Variants in NOC2L observed in about 807,000 individuals in gnomAD.
NOC2L encodes the protein NOC2 like nucleolar associated transcriptional repressor, also known as nucleolar complex protein 2 homolog.
NOC2L carries 101 observed loss-of-function variants against 94.2 expected under a neutral mutation model. The observed-to-expected ratio is 1.07, with a 90% confidence interval of 0.91 to 1.26. NOC2L has a LOEUF of 1.26. NOC2L is among the 50% of genes most tolerant of loss of function. NOC2L has a pLI of 0.00. For missense variants in NOC2L, 1,076 were observed against 980.1 expected (o/e 1.10, Z -1.31); for synonymous variants, 531 against 413.4 (o/e 1.28, Z -3.45).
At chr1:948,907 T>C (rs1222478220) in intron 12 of NOC2L, among the ~76,000 whole-genome samples, 1 of 152,118 alleles carries the variant, frequency 6.6e-6, no homozygotes, top group Non-Finnish European at 1.5e-5. Context: ...GACCCACGTC[T>C]GGAGACCTAG....
At chr1:953,944 A>C in intron 7 of NOC2L, 52 bp from the exon 8 acceptor site, 1 of 1,604,606 alleles carries the variant, frequency 6.2e-7, no homozygotes, top group Non-Finnish European at 8.5e-7. Flanking sequence ...TCTGGGATAC[A>C]AAAAAGGACC....
At chr1:958,703 G>A (rs753802056) in intron 2 of NOC2L, 1 of 698,382 alleles carries the variant, frequency 1.4e-6, no homozygotes. Context: ...ATCGGGAAGA[G>A]ATTTTTGCAC....
At position 956,106 on chromosome 1, in the gene NOC2L, G is replaced by A. The variant is rs777799560; in HGVS notation, c.596C>T (p.Thr199Met). The change falls in exon 5 of 19, where the codon ACG becomes ATG. Residue 199 changes from threonine to methionine, a missense_variant. Coordinates refer to ENST00000327044, the MANE Select transcript of NOC2L (RefSeq NM_015658.4). ...ESAEANKFQVTDSAAFNALVT... is the reference protein window; with the variant it reads ...ESAEANKFQVMDSAAFNALVT... ...CCCCCCAAGCTCACCAGCACTGTCC[G>A]TGACCTGGAATTTGTTGGCCTCAGC... is the stretch of plus-strand genomic sequence containing the variant. 23 of 1,613,910 alleles carry A rather than the reference G, an allele frequency of 1.4e-5. No individual in the cohort carries two copies. The highest frequency in any genetic ancestry group is 5.3e-5 in the African/African-American group (4 of 74,922).
In NOC2L at chr1:953,266, G is replaced by A. The variant is rs1448258929; in HGVS notation, c.911C>T (p.Thr304Ile). 1 of 1,604,574 alleles carries A rather than the reference G, an allele frequency of 6.2e-7. No individual in the cohort carries two copies. The highest frequency in any genetic ancestry group is 8.5e-7 in the Non-Finnish European group (1 of 1,171,710). ...CAGCACCCGCAGAGACTCTTCCCCAGTGCTCCATACGATCACCATTCTCTG... is the reference window on the plus strand; with the variant it reads ...CAGCACCCGCAGAGACTCTTCCCCAATGCTCCATACGATCACCATTCTCTG... ...LLKRMVIVWS[T>I]GEESLRVLAF... The change falls in exon 9 of 19, where the codon ACT becomes ATT. Residue 304 changes from threonine to isoleucine, a missense_variant. Transcript: ENST00000327044.
Position 948,026 on chromosome 1 carries a change from G to A in NOC2L, c.1659+105C>T, listed in dbSNP as rs957150349. 11 of 888,564 alleles carry A rather than the reference G, an allele frequency of 1.2e-5. No individual in the cohort carries two copies. The African/African-American group carries it at 1.7e-4, about 13-fold the overall frequency. 55.0% of individuals were successfully genotyped at this position (888,564 alleles called of 1,614,324 possible). On this transcript the variant is annotated intron_variant, in intron 14 of 18. Transcript: ENST00000327044. ...TTGCCAGCAGTCAGGTTCCACCCCA[G>A]TCCCAGGTACCCGGGACAAGGGCAC... is the stretch of plus-strand genomic sequence containing the variant.
chr1:944,870 T>TCACTAATTAATCACGG, intron 18 of NOC2L, 70 bp from the exon 19 acceptor site: 1 of 1,295,782 alleles, frequency 7.7e-7, no homozygotes, highest in Non-Finnish European at 1.1e-6. Flanking sequence ...AGGTTACTCA[T>TCACTAATTAATCACGG]CACTAATTAA....
chr1:945,835 G>GC (rs1186223963), intron 16 of NOC2L, among the ~76,000 whole-genome samples, 182 bp from the exon 17 acceptor site: 3 of 152,194 alleles, frequency 2.0e-5, no homozygotes, highest in Admixed American at 6.5e-5. Flanking sequence ...CAAAGGCAGA[G>GC]CCCTTCCTGC....
At position 946,672 on chromosome 1, in the gene NOC2L, C is replaced by A. The variant is rs923183317; in HGVS notation, c.1660-127G>T. 3.4e-6 allele frequency: 4 copies of A among 1,177,966 alleles called. No individual in the cohort carries two copies. In the East Asian group the frequency reaches 9.8e-5, roughly 29 times the overall value. The allele number at this position is 1,177,966 out of a possible 1,614,324, so 73.0% of individuals were successfully genotyped here. A position where few individuals can be genotyped will look rare whatever the true frequency, so the allele number is the denominator to read the frequency against. On this transcript the variant is annotated intron_variant, in intron 14 of 18. Transcript: ENST00000327044. The stretch of plus-strand genomic sequence containing the variant: ...CCAGGAGGGGACATGGATCCCATCT[C>A]AGGGCTCAAGTGCATAGCTGTTGCA...
Position 952,418 on chromosome 1 carries a change from G to A in NOC2L, c.1185C>T (p.Arg395=), listed in dbSNP as rs751664296. Reference sequence around the variant, plus strand: ...GAAGGGCCCCACCACACACCTTCTTGCGAGTGGTCATGGCGTTGCGCAGGT... The same window carrying A: ...GAAGGGCCCCACCACACACCTTCTTACGAGTGGTCATGGCGTTGCGCAGGT... ...AIHLRNAMTT[R]KKETYQSVYN... is the part of the protein sequence containing the mutation. The change falls in exon 10 of 19, where the codon CGC becomes CGT. Residue 395 remains arginine, a synonymous_variant. Transcript: ENST00000327044. 19 of 1,613,152 alleles carry A rather than the reference G, an allele frequency of 1.2e-5. No homozygotes were observed. The highest frequency in any genetic ancestry group is 1.1e-4 in the South Asian group (10 of 91,056).
rs1438927843 is a variant in NOC2L at position 958,913 on chromosome 1, G to A, written c.179+16C>T. ...AGGACGAGCAAGAGGTTCTGCTCACGCATGTCCCCACTAACCTGGCCGAGG... is the reference window on the plus strand; with the variant it reads ...AGGACGAGCAAGAGGTTCTGCTCACACATGTCCCCACTAACCTGGCCGAGG... On this transcript the variant is annotated intron_variant, in intron 2 of 18. Transcript: ENST00000327044. The A allele has an allele frequency of 1.2e-6, 2 of 1,612,416 alleles. No individual in the cohort carries two copies. Among genetic ancestry groups the A allele is most frequent in the African/African-American group, 1.3e-5 (1 of 74,938 alleles).
Position 944,566 on chromosome 1 carries a change from T to C in NOC2L, c.*128A>G, listed in dbSNP as rs1557613631. ...GTCTTTCATGCTGAAAAATAAATAA[T>C]AAAGCCTGTCCCGTGTCTACTGCCT... On this transcript the variant is annotated 3_prime_UTR_variant, in exon 19 of 19. Transcript: ENST00000327044. The C allele has an allele frequency of 3.1e-6, 2 of 639,562 alleles. No homozygotes were observed. Among genetic ancestry groups the C allele is most frequent in the Non-Finnish European group, 5.3e-6 (2 of 376,740 alleles). 39.6% of individuals were successfully genotyped at this position (639,562 alleles called of 1,614,324 possible).
At chr1:956,272 T>C in intron 4 of NOC2L, 57 bp from the exon 5 acceptor site, 1 of 1,598,920 alleles carries the variant, frequency 6.3e-7, no homozygotes, top group South Asian at 1.1e-5. Context: ...CTTGGCAGAG[T>C]GGAAACGGCA....
chr1:958,608 T>C, intron 2 of NOC2L: 1 of 552,264 alleles, frequency 1.8e-6, no homozygotes, highest in African/African-American at 1.9e-5. Context: ...AGCCCCTCTG[T>C]CCTTCCTTTC....
chr1:944,831 T>C, intron 18 of NOC2L, 31 bp from the exon 19 acceptor site: 2 of 1,471,760 alleles, frequency 1.4e-6, no homozygotes, highest in Non-Finnish European at 1.8e-6. Context: ...TACATAAATT[T>C]TGCTTTATCA....
chr1:944,406 C>T lies in NOC2L; in HGVS notation c.*288G>A. 1.7e-6 allele frequency: 2 copies of T among 1,188,442 alleles called. No individual in the cohort carries two copies. Among genetic ancestry groups the T allele is most frequent in the African/African-American group, 1.6e-5 (1 of 62,826 alleles). 73.6% of individuals were successfully genotyped at this position (1,188,442 alleles called of 1,614,324 possible). A position where few individuals can be genotyped will look rare whatever the true frequency, so the allele number is the denominator to read the frequency against. ...GAAGGGGCCAGGGGCCTGCAGGCCT[C>T]CCCCTGGAACTGGGACTGGTCTCGG... On this transcript the variant is annotated 3_prime_UTR_variant, in exon 19 of 19. Coordinates refer to ENST00000327044, the MANE Select transcript of NOC2L (RefSeq NM_015658.4).
chr1:950,710 G>A (rs190855878), intron 12 of NOC2L, among the ~76,000 whole-genome samples: 2 of 151,928 alleles, frequency 1.3e-5, no homozygotes, highest in Non-Finnish European at 2.9e-5. Flanking sequence ...GCACACACAC[G>A]CATGCATGCA....
chr1:959,014 A>T lies in NOC2L; in HGVS notation c.94T>A (p.Ser32Thr). 1 of 1,612,334 alleles carries T rather than the reference A, an allele frequency of 6.2e-7. No individual in the cohort carries two copies. Among genetic ancestry groups the T allele is most frequent in the Non-Finnish European group, 8.5e-7 (1 of 1,179,742 alleles). ...SGFDSESESE[S>T]ENSPQAETRE... ...GTCTCCGCTTGTGGAGAATTTTCGGACTCGGATTCGGACTCGGAGTCAAAG... is the reference window on the plus strand; with the variant it reads ...GTCTCCGCTTGTGGAGAATTTTCGGTCTCGGATTCGGACTCGGAGTCAAAG... Residue 32 changes from serine to threonine, a missense_variant, in exon 2 of 19, where the codon TCC becomes ACC. This residue lies in a region of NOC2L where 457 missense variants were observed against 386.0 expected (regional missense o/e 1.18). Coordinates refer to ENST00000327044, the MANE Select transcript of NOC2L (RefSeq NM_015658.4).
At chr1:959,166 T>C (rs1642508380) in intron 1 of NOC2L, 49 bp downstream of exon 1, 1 of 1,611,836 alleles carries the variant, frequency 6.2e-7, no homozygotes, top group East Asian at 2.2e-5. Context: ...CCCCCTTGGA[T>C]ACAGACACCC....
rs992303418 is a variant in NOC2L at position 944,535 on chromosome 1, C to G, written c.*159G>C. On this transcript the variant is annotated 3_prime_UTR_variant, in exon 19 of 19. Transcript: ENST00000327044. The stretch of plus-strand genomic sequence containing the variant: ...GCCCAGCCCAGCCCAGCTCTCGATA[C>G]GTTTGGTCTTTCATGCTGAAAAATA... The G allele has an allele frequency of 3.2e-6, 2 of 624,920 alleles. No homozygotes were observed. The highest frequency in any genetic ancestry group is 3.3e-5 in the Admixed American group (1 of 30,240). The allele number at this position is 624,920 out of a possible 1,614,324, so 38.7% of individuals were successfully genotyped here.
Sources: gnomAD v4.1 joint callset for allele counts (sites outside exome capture counted in the v4.1 genomes callset) on GRCh38, gnomAD v4.1.1 for gene constraint, gnomAD v4.1.1 regional missense constraint, MANE v1.5 for transcripts, NCBI Gene and HGNC (gene_info 2026-07-23, HGNC 2026-07-21) for gene names.